The following LHFPL5 variants were observed in gnomAD, a reference collection of about 807,000 sequenced individuals.
LHFPL5 encodes the protein LHFPL tetraspan subfamily member 5, also known as LHFPL tetraspan subfamily member 5 protein.
In LHFPL5, 12 loss-of-function variants were observed where a neutral mutation model predicts 18.7. The observed-to-expected ratio is 0.64, with a 90% CI of 0.41 to 1.04. The LOEUF (loss-of-function observed/expected upper bound fraction) is 1.04, where lower values mean the gene tolerates loss of function less well. Among genes scored for constraint, LHFPL5 ranks in the 50% least tolerant of loss-of-function variants. The probability of loss-of-function intolerance (pLI) is 0.00; values close to 1 mark genes in which losing one functional copy is unlikely to be tolerated. For synonymous variants in LHFPL5, 111 were observed against 120.2 expected (o/e 0.92, Z 0.50); for missense variants, 259 against 292.1 (o/e 0.89, Z 0.83).
At chr6:35,809,418 G>A (rs1768627817) in intron 1 of LHFPL5, among the ~76,000 whole-genome samples, 1 of 152,198 alleles carries the variant, frequency 6.6e-6, no homozygotes, top group Non-Finnish European at 1.5e-5. Context: ...GCTCTAGACT[G>A]CTGACTTCTT....
intron 1 of LHFPL5, among the ~76,000 whole-genome samples, chr6:35,807,445 G>GCTGCAGCCTCTGGTA (rs1768590006): frequency 6.6e-6 from 1 of 152,102 alleles, no homozygotes; most frequent in South Asian, 2.1e-4. Flanking sequence ...AAGACCTTGT[G>GCTGCAGCCTCTGGTA]CTGCAGCCTC....
At position 35,823,240 on chromosome 6, in the gene LHFPL5, C is replaced by T. The variant is rs1768899059; in HGVS notation, c.*275C>T. ...AGTGCTCAGTTGCTGGGGATGGGAT[C>T]CAAGTCCATTTCTTAGTTCCACACA... On this transcript the variant is annotated 3_prime_UTR_variant, in exon 4 of 4. Coordinates refer to ENST00000360215, the MANE Select transcript of LHFPL5 (RefSeq NM_182548.4). 6.6e-6 allele frequency: 1 copy of T among 152,026 alleles called. No individual in the cohort carries two copies. Among genetic ancestry groups the T allele is most frequent in the Non-Finnish European group, 1.5e-5 (1 of 68,052 alleles). The allele number at this position is 152,026 out of a possible 1,614,324, so 9.4% of individuals were successfully genotyped here.
chr6:35,807,311 T>C (rs1768587963), intron 1 of LHFPL5, among the ~76,000 whole-genome samples: 1 of 152,124 alleles, frequency 6.6e-6, no homozygotes, highest in African/African-American at 2.4e-5. Context: ...AACTGTGGGG[T>C]AGGCAGCTAC....
Position 35,805,382 on chromosome 6 carries a change from C to T in LHFPL5, c.-289C>T, listed in dbSNP as rs1198598715. 4.8e-6 allele frequency: 2 copies of T among 412,650 alleles called. No homozygotes were observed. The highest frequency in any genetic ancestry group is 6.8e-4 in the Middle Eastern group (1 of 1,462). The allele number at this position is 412,650 out of a possible 1,614,324, so 25.6% of individuals were successfully genotyped here. The stretch of plus-strand genomic sequence containing the variant: ...GAGCCGTGAGCCGGGAAGAGGGAGA[C>T]GGGCAGGGCGGCGCCAGCAGGCCCT... On this transcript the variant is annotated 5_prime_UTR_variant, in exon 1 of 4. In the 5' UTR this introduces an upstream ATG that the reference lacks. Coordinates refer to ENST00000360215, the MANE Select transcript of LHFPL5 (RefSeq NM_182548.4). The surrounding 1 kb of genome is among the most constrained non-coding windows in gnomAD (Gnocchi z 4.3).
chr6:35,816,901 G>A (rs1041807483), intron 2 of LHFPL5, among the ~76,000 whole-genome samples: 8 of 151,154 alleles, frequency 5.3e-5, no homozygotes, highest in Non-Finnish European at 1.0e-4. Flanking sequence ...ATAGGGGAAA[G>A]AATAGTCTTT....
intron 2 of LHFPL5, among the ~76,000 whole-genome samples, chr6:35,817,784 A>C (rs1768790218): frequency 6.6e-6 from 1 of 152,268 alleles, no homozygotes; most frequent in Non-Finnish European, 1.5e-5. Flanking sequence ...TGCTGCAGAA[A>C]GCAGCCTGGC....
intron 2 of LHFPL5, among the ~76,000 whole-genome samples, chr6:35,817,500 A>T (rs980836958): frequency 3.9e-5 from 6 of 152,178 alleles, no homozygotes; most frequent in African/African-American, 1.4e-4. Flanking sequence ...AACTCCTATA[A>T]CTCAACAATG....
At chr6:35,820,160 C>A (rs1255053356) in intron 3 of LHFPL5, among the ~76,000 whole-genome samples, 1 of 151,772 alleles carries the variant, frequency 6.6e-6, no homozygotes, top group Non-Finnish European at 1.5e-5. Flanking sequence ...ACTAGAAAAC[C>A]TAATAAAATA....
At chr6:35,813,485 C>T (rs564170633) in intron 1 of LHFPL5, among the ~76,000 whole-genome samples, 27 of 152,094 alleles carry the variant, frequency 1.8e-4, no homozygotes, top group Non-Finnish European at 2.6e-4. Context: ...CTTTGTAATC[C>T]GTCCACCTCG....
intron 3 of LHFPL5, among the ~76,000 whole-genome samples, chr6:35,820,476 G>A (rs545625414): frequency 3.5e-4 from 53 of 151,582 alleles, no homozygotes; most frequent in Non-Finnish European, 6.3e-4. Context: ...TGAGGTGGGC[G>A]GATCACGAGG....
intron 3 of LHFPL5, 90 bp downstream of exon 3, chr6:35,819,553 C>A: frequency 8.2e-7 from 1 of 1,225,376 alleles, no homozygotes; most frequent in South Asian, 1.3e-5. Flanking sequence ...ATCAGGACAC[C>A]AGGGGCTGGG....
rs1554147845 is a variant in LHFPL5, at chr6:35,823,430, T to TATAC, written c.*466_*467insTACA. On this transcript the variant is annotated 3_prime_UTR_variant, in exon 4 of 4. Coordinates refer to ENST00000360215, the MANE Select transcript of LHFPL5 (RefSeq NM_182548.4). ...ACACACACACACACACACACATACA[T>TATAC]ACACACACACATATATATACACACA... The TATAC allele has an allele frequency of 5.8e-3, 480 of 83,406 alleles. 3 individuals carry two copies. Among genetic ancestry groups the TATAC allele is most frequent in the African/African-American group, 0.022 (469 of 21,070 alleles). The allele number at this position is 83,406 out of a possible 1,614,324, so 5.2% of individuals were successfully genotyped here.
chr6:35,814,896 C>T lies in LHFPL5; in HGVS notation c.649+114C>T. ...GTCCCTGGCCAAGGGATGGGGACAC[C>T]AAGACTAATCAGACACACCCCTTGT... On this transcript the variant is annotated intron_variant, in intron 2 of 3. Transcript: ENST00000360215. The surrounding 1 kb of genome is among the most constrained non-coding windows in gnomAD (Gnocchi z 4.2). 3 of 917,334 alleles carry T rather than the reference C, an allele frequency of 3.3e-6. No homozygotes were observed. Among genetic ancestry groups the T allele is most frequent in the South Asian group, 1.3e-5 (1 of 75,116 alleles). The allele number at this position is 917,334 out of a possible 1,614,324, so 56.8% of individuals were successfully genotyped here. A position where few individuals can be genotyped will look rare whatever the true frequency, so the allele number is the denominator to read the frequency against.
chr6:35,814,832 G>A lies in LHFPL5; in HGVS notation c.649+50G>A, dbSNP rs777801478. 6.6e-7 allele frequency: 1 copy of A among 1,518,864 alleles called. No individual in the cohort carries two copies. Among genetic ancestry groups the A allele is most frequent in the Non-Finnish European group, 9.1e-7 (1 of 1,093,628 alleles). 94.1% of individuals were successfully genotyped at this position (1,518,864 alleles called of 1,614,324 possible). On this transcript the variant is annotated intron_variant, in intron 2 of 3. Transcript: ENST00000360215. This position sits in a 1 kb window ranked among gnomAD's most constrained non-coding sequence, Gnocchi z 4.2. ...GTCCCCTGCCTGGAGACCCTGGGAT[G>A]TGGGTGGGGGTTCATCTTAGCCAGT...
At chr6:35,810,146 C>T (rs756192749) in intron 1 of LHFPL5, among the ~76,000 whole-genome samples, 95 of 152,338 alleles carry the variant, frequency 6.2e-4, no homozygotes, top group Non-Finnish European at 2.1e-4. Context: ...TAGCTGCCCC[C>T]GCTCCCCTCT....
At chr6:35,818,245 G>T (rs990855809) in intron 2 of LHFPL5, among the ~76,000 whole-genome samples, 4 of 151,236 alleles carry the variant, frequency 2.6e-5, no homozygotes, top group African/African-American at 9.7e-5. Flanking sequence ...TGGGCACAGG[G>T]TTTCTTTTTG....
intron 2 of LHFPL5, among the ~76,000 whole-genome samples, chr6:35,818,351 ATTTTTTT>A (rs766409391): frequency 0.017 from 1,831 of 106,922 alleles, 121 homozygotes; most frequent in Middle Eastern, 0.068. Context: ...ATATATATGT[ATTTTTTT>A]TTTTTTTTTT....
rs104893975 is a variant in LHFPL5, at chr6:35,806,050, A to G, written c.380A>G (p.Tyr127Cys). The part of the protein sequence containing the change: ...LFFICNTATV[Y>C]KICAWMQLAA... ...TTCATCTGCAACACGGCCACAGTCT[A>G]TAAGATCTGTGCATGGATGCAGCTG... Residue 127 changes from tyrosine (Y) to cysteine (C), a missense_variant, in exon 1 of 4, where the codon TAT becomes TGT. By Grantham distance (194) the Tyr-to-Cys change is radical. Transcript: ENST00000360215. 13 of 1,614,020 alleles carry G rather than the reference A, an allele frequency of 8.1e-6. No homozygotes were observed. The highest frequency in any genetic ancestry group is 2.2e-5 in the South Asian group (2 of 91,082).
rs573830789 is a variant in LHFPL5, at chr6:35,814,843, T to C, written c.649+61T>C. The C allele has an allele frequency of 3.6e-4, 524 of 1,462,080 alleles. 1 individual carries two copies. The African/African-American group carries it at 6.8e-3, about 19-fold the overall frequency. 90.6% of individuals were successfully genotyped at this position (1,462,080 alleles called of 1,614,324 possible). A position where few individuals can be genotyped will look rare whatever the true frequency, so the allele number is the denominator to read the frequency against. On this transcript the variant is annotated intron_variant, in intron 2 of 3. Coordinates refer to ENST00000360215, the MANE Select transcript of LHFPL5 (RefSeq NM_182548.4). This position sits in a 1 kb window ranked among gnomAD's most constrained non-coding sequence, Gnocchi z 4.2. The stretch of plus-strand genomic sequence containing the variant: ...GGAGACCCTGGGATGTGGGTGGGGG[T>C]TCATCTTAGCCAGTCCTCTAAGGCT...
Sources: allele counts gnomAD v4.1 joint callset (sites outside exome capture counted in the v4.1 genomes callset), GRCh38; gene constraint gnomAD v4.1.1; non-coding constraint Gnocchi (gnomAD v3.1); transcripts MANE v1.5; gene names NCBI Gene and HGNC (gene_info 2026-07-23, HGNC 2026-07-21).